The following ASB14 variants were observed in gnomAD, a reference collection of about 807,000 sequenced individuals.
The protein encoded by ASB14 is ankyrin repeat and SOCS box protein 14.
A neutral mutation model predicts 55.6 loss-of-function variants in ASB14; 63 were observed. The observed-to-expected ratio is 1.13, with a 90% CI of 0.92 to 1.40. The LOEUF is 1.40. Ranked by LOEUF, ASB14 falls within the 40% of genes most tolerant of loss-of-function variation. The probability of loss-of-function intolerance (pLI) is 0.00; values close to 1 mark genes in which losing one functional copy is unlikely to be tolerated. For missense variants in ASB14, 724 were observed against 710.4 expected (o/e 1.02, Z -0.22); for synonymous variants, 256 against 259.9 (o/e 0.98, Z 0.15).
At chr3:57,271,805 T>A (rs1559517835) in intron 10 of ASB14, 1 of 152,194 alleles carries the variant, frequency 6.6e-6, no homozygotes, top group Non-Finnish European at 1.5e-5. Flanking sequence ...AAACCCATCA[T>A]CTCCATAGGT....
At chr3:57,290,051 A>G (rs2061116500) in intron 2 of ASB14, among the ~76,000 whole-genome samples, 4 of 152,212 alleles carry the variant, frequency 2.6e-5, no homozygotes, top group Admixed American at 2.0e-4. Flanking sequence ...TTAAACATTT[A>G]AACCTGCATT....
intron 10 of ASB14, chr3:57,270,067 C>G (rs2060925892): frequency 6.4e-6 from 1 of 157,014 alleles, no homozygotes; most frequent in African/African-American, 2.4e-5. Context: ...ATATGCTTTT[C>G]TTTCATTAGG....
intron 9 of ASB14, among the ~76,000 whole-genome samples, chr3:57,277,262 CAAAA>C (rs567523418): frequency 5.2e-5 from 6 of 115,262 alleles, no homozygotes; most frequent in African/African-American, 1.8e-4. Flanking sequence ...GACTCTGTCT[CAAAA>C]AAAAAAAAAA....
Position 57,283,247 on chromosome 3 carries a change from G to A in ASB14, c.662C>T (p.Ala221Val), listed in dbSNP as rs1223545062. 3.9e-6 allele frequency: 6 copies of A among 1,551,986 alleles called. No individual in the cohort carries two copies. The highest frequency in any genetic ancestry group is 5.2e-6 in the Non-Finnish European group (6 of 1,147,034). Residue 221 changes from alanine to valine, a missense_variant, in exon 6 of 11, where the codon GCT (alanine) becomes GTT (valine). Coordinates refer to ENST00000487349, the MANE Select transcript of ASB14 (RefSeq NM_001142733.3). ...PQSTYGFTPL[A>V]LAAQSGHTEI... ...AGTGTGTCCACTTTGGGCAGCAAGA[G>A]CAAGAGGAGTGAATCCATACGTGCT...
chr3:57,288,239 C>A lies in ASB14; in HGVS notation c.226G>T (p.Gly76Cys). 6.5e-7 allele frequency: 1 copy of A among 1,536,822 alleles called. No individual in the cohort carries two copies. Residue 76 changes from glycine to cysteine, a missense_variant, in exon 4 of 11, where the codon GGT becomes TGT. Transcript: ENST00000487349. ...ATCCAGCCTATCTCATCTGCTTCACCAAATGCGGAATGGTACTTGGTTAAG... is the reference window on the plus strand; with the variant it reads ...ATCCAGCCTATCTCATCTGCTTCACAAAATGCGGAATGGTACTTGGTTAAG... ...SHLTKYHSAF[G>C]EADEIGWIPL...
chr3:57,288,631 T>C (rs1045543021), intron 3 of ASB14, among the ~76,000 whole-genome samples: 4 of 150,704 alleles, frequency 2.7e-5, no homozygotes, highest in Non-Finnish European at 5.9e-5. Context: ...TTCAGCTCAA[T>C]GAAGCAAAGA....
rs1378390309 is a variant in ASB14, at chr3:57,278,630, G to A, written c.1178C>T (p.Ala393Val). Residue 393 changes from alanine to valine, a missense_variant, in exon 8 of 11, where the codon GCC becomes GTC. Coordinates refer to ENST00000487349, the MANE Select transcript of ASB14 (RefSeq NM_001142733.3). Reference protein sequence around the residue: ...NQDPVNCLQIALRMGNYELIS... With the variant: ...NQDPVNCLQIVLRMGNYELIS... ...CAGCTCATAGTTGCCCATCCTGAGG[G>A]CTATCTGGAGGCAGTTAACCGGGTC... 6.2e-7 allele frequency: 1 copy of A among 1,614,208 alleles called. No individual in the cohort carries two copies. The highest frequency in any genetic ancestry group is 1.7e-5 in the Admixed American group (1 of 60,022).
rs1295344258 is a variant in ASB14 at position 57,276,691 on chromosome 3, C to A, written c.1623G>T (p.Lys541Asn). 1 of 1,613,732 alleles carries A rather than the reference C, an allele frequency of 6.2e-7. No individual in the cohort carries two copies. Among genetic ancestry groups the A allele is most frequent in the African/African-American group, 1.3e-5 (1 of 74,902 alleles). ...GTAACCGTCCCATGCATTTCCGGATCTTTAGGCGGCACAAATGTTTTAGGG... is the reference window on the plus strand; with the variant it reads ...GTAACCGTCCCATGCATTTCCGGATATTTAGGCGGCACAAATGTTTTAGGG... Reference protein sequence around the residue: ...PRSLKHLCRLKIRKCMGRLHL... With the variant: ...PRSLKHLCRLNIRKCMGRLHL... Residue 541 changes from lysine to asparagine, a missense_variant, in exon 10 of 11, where the codon AAG (lysine) becomes AAT (asparagine). Lys to Asn is a moderately conservative substitution (Grantham distance 94). Coordinates refer to ENST00000487349, the MANE Select transcript of ASB14 (RefSeq NM_001142733.3).
chr3:57,289,087 TATC>T lies in ASB14; in HGVS notation c.156_158del (p.Ile53del). 1 of 1,528,812 alleles carries T rather than the reference TATC, an allele frequency of 6.5e-7. No individual in the cohort carries two copies. Among genetic ancestry groups the T allele is most frequent in the South Asian group, 1.2e-5 (1 of 83,842 alleles). 94.7% of individuals were successfully genotyped at this position (1,528,812 alleles called of 1,614,324 possible). ...ACTTAACTTTCTCTATTGTTTCAAC[TATC>T]TTCTTATAGTCAGCGCTCAAAAAGG... On this transcript the variant is annotated inframe_deletion, in exon 3 of 11. Coordinates refer to ENST00000487349, the MANE Select transcript of ASB14 (RefSeq NM_001142733.3).
rs1210021380 is a variant in ASB14 at position 57,291,994 on chromosome 3, A to AGTCTTCATCTAT, written c.28_39dup (p.Ile10_Asp13dup). 1 of 1,534,796 alleles carries AGTCTTCATCTAT rather than the reference A, an allele frequency of 6.5e-7. No homozygotes were observed. The highest frequency in any genetic ancestry group is 2.4e-5 in the East Asian group (1 of 40,894). On this transcript the variant is annotated inframe_insertion, in exon 2 of 11. Transcript: ENST00000487349. Reference sequence around the variant, plus strand: ...TGTTGAATGATGAGCTGGGTGTCAAAGTCTTCATCTATGTCTTCATCGCTG... The same window carrying AGTCTTCATCTAT: ...TGTTGAATGATGAGCTGGGTGTCAAAGTCTTCATCTATGTCTTCATCTATGTCTTCATCGCTG...
chr3:57,290,188 C>G (rs2107631031), intron 2 of ASB14, among the ~76,000 whole-genome samples: 1 of 152,246 alleles, frequency 6.6e-6, no homozygotes, highest in South Asian at 2.1e-4. Flanking sequence ...AAATCCAAAA[C>G]AGTCCTCACC....
intron 10 of ASB14, chr3:57,273,530 ACTT>A (rs542336494): frequency 1.6e-4 from 24 of 152,706 alleles, no homozygotes; most frequent in Admixed American, 1.1e-3. Context: ...AAAACAATGG[ACTT>A]CTTAAGCTGT....
At chr3:57,288,405 C>A (rs918585166) in intron 3 of ASB14, 119 bp from the exon 4 acceptor site, 3 of 1,126,814 alleles carry the variant, frequency 2.7e-6, no homozygotes, top group Non-Finnish European at 3.8e-6. Context: ...CTAGCACCAC[C>A]TTTTATGAAA....
At chr3:57,291,063 G>A (rs1178536064) in intron 2 of ASB14, among the ~76,000 whole-genome samples, 6 of 152,166 alleles carry the variant, frequency 3.9e-5, no homozygotes, top group Non-Finnish European at 5.9e-5. Context: ...CTACCTCATA[G>A]AGAGGTAATG....
chr3:57,289,218 T>C (rs1285965426), intron 2 of ASB14, 95 bp from the exon 3 acceptor site: 2 of 820,580 alleles, frequency 2.4e-6, no homozygotes, highest in Non-Finnish European at 3.9e-6. Context: ...GTAGCAGTAG[T>C]TAATCCGGGA....
At chr3:57,291,454 C>G (rs1051862163) in intron 2 of ASB14, among the ~76,000 whole-genome samples, 3 of 152,208 alleles carry the variant, frequency 2.0e-5, no homozygotes, top group African/African-American at 7.2e-5. Context: ...TGAATCTACA[C>G]TTTCAGAAGC....
At position 57,269,465 on chromosome 3, in the gene ASB14, G is replaced by T; in HGVS notation, c.*176C>A. 1.3e-6 allele frequency: 2 copies of T among 1,506,006 alleles called. No homozygotes were observed. Among genetic ancestry groups the T allele is most frequent in the Non-Finnish European group, 9.0e-7 (1 of 1,106,780 alleles). 93.3% of individuals were successfully genotyped at this position (1,506,006 alleles called of 1,614,324 possible). A position where few individuals can be genotyped will look rare whatever the true frequency, so the allele number is the denominator to read the frequency against. On this transcript the variant is annotated 3_prime_UTR_variant, in exon 11 of 11. Transcript: ENST00000487349. ...TTATGACAGAAGAAGTGGCTCTCAA[G>T]AATGTATCTTAACTGCATAATTTGC...
chr3:57,276,762 AAG>A, intron 9 of ASB14, 34 bp from the exon 10 acceptor site: 2 of 1,571,124 alleles, frequency 1.3e-6, no homozygotes, highest in East Asian at 2.3e-5. Context: ...CAAAGAGAAA[AAG>A]AACTTTTTTT....
intron 2 of ASB14, among the ~76,000 whole-genome samples, chr3:57,290,114 A>C (rs2061117041): frequency 6.6e-6 from 1 of 152,244 alleles, no homozygotes; most frequent in Non-Finnish European, 1.5e-5. Flanking sequence ...AAGTAACCAC[A>C]CACTTAGTGG....
Sources: allele counts gnomAD v4.1 joint callset (sites outside exome capture counted in the v4.1 genomes callset), GRCh38; gene constraint gnomAD v4.1.1; transcripts MANE v1.5; gene names NCBI Gene and HGNC (gene_info 2026-07-23, HGNC 2026-07-21).